CA6: variants seen among roughly 807,000 people sequenced by gnomAD.
CA6 encodes carbonate dehydratase VI.
A neutral mutation model predicts 35.9 loss-of-function variants in CA6; 28 were observed. The ratio of observed to expected loss-of-function variants is 0.78; its 90% CI spans 0.58 to 1.07. The LOEUF is 1.07. Ranked by LOEUF, CA6 falls within the 50% of genes least tolerant of loss-of-function variation. The probability of loss-of-function intolerance (pLI) is 0.00; values close to 1 mark genes in which losing one functional copy is unlikely to be tolerated. For missense variants in CA6, 377 were observed against 382.0 expected, an observed-to-expected ratio of 0.99 and a Z score of 0.11; for synonymous variants, 148 against 152.6, an observed-to-expected ratio of 0.97 and a Z score of 0.22.
Position 8,955,017 on chromosome 1 carries a change from T to C in CA6, c.260-2120T>C, listed in dbSNP as rs563217819. Among the ~76,000 whole-genome samples the C allele has an allele frequency of 1.8e-4, 27 of 148,336 alleles. 1 individual carries two copies. In the South Asian group the frequency reaches 5.9e-3, roughly 32 times the overall value. The stretch of plus-strand genomic sequence containing the variant: ...CCAATTTCTCTGTTTTGGTGCAGAC[T>C]AGTAACAGTTGGTGGGCCGGCACTG... On this transcript the variant is annotated intron_variant, in intron 2 of 7. Coordinates refer to ENST00000377443, the MANE Select transcript of CA6 (RefSeq NM_001215.4).
At chr1:8,973,594 G>C (rs976111199) in intron 7 of CA6, among the ~76,000 whole-genome samples, 1 of 152,068 alleles carries the variant, frequency 6.6e-6, no homozygotes, top group Non-Finnish European at 1.5e-5. Flanking sequence ...TTCAGCATCA[G>C]AGGGCTTCCT....
intron 3 of CA6, among the ~76,000 whole-genome samples, chr1:8,957,524 A>G (rs1422042558): frequency 6.6e-6 from 1 of 152,120 alleles, no homozygotes; most frequent in East Asian, 1.9e-4. Flanking sequence ...TATTTTTAGT[A>G]GAGACGGGAT....
rs145277776 is a variant in CA6 at position 8,971,985 on chromosome 1, C to T, written c.844+1004C>T. 7.1e-4 allele frequency among the ~76,000 whole-genome samples: 108 copies of T among 152,262 alleles called. 1 individual carries two copies. Among genetic ancestry groups the T allele is most frequent in the African/African-American group, 2.6e-3 (106 of 41,542 alleles). On this transcript the variant is annotated intron_variant, in intron 7 of 7. Transcript: ENST00000377443. ...CCATTCTGTTAACCATTCCTGATAC[C>T]TTTATATTTTCCAATACAGTAGAAT...
chr1:8,957,634 C>T (rs945465178), intron 3 of CA6, among the ~76,000 whole-genome samples: 2 of 151,956 alleles, frequency 1.3e-5, no homozygotes, highest in Non-Finnish European at 1.5e-5. Context: ...AGCCACAGTG[C>T]CCAGCCGTCA....
chr1:8,965,370 T>A (rs922107087), intron 5 of CA6, among the ~76,000 whole-genome samples: 8 of 152,158 alleles, frequency 5.3e-5, no homozygotes, highest in Non-Finnish European at 7.4e-5. Context: ...TTTTTCGTCT[T>A]CCTAAACTGA....
chr1:8,946,842 T>C (rs2124216986), intron 1 of CA6, among the ~76,000 whole-genome samples: 1 of 148,668 alleles, frequency 6.7e-6, no homozygotes, highest in East Asian at 2.0e-4. Context: ...CTTGCTCTGT[T>C]GCCCAGGCTG....
intron 7 of CA6, among the ~76,000 whole-genome samples, chr1:8,972,734 A>G (rs1640142732): frequency 6.6e-6 from 1 of 151,952 alleles, no homozygotes; most frequent in African/African-American, 2.4e-5. Context: ...CACCTCCCCA[A>G]CCCGAATAAG....
At chr1:8,956,010 G>A (rs181201187) in intron 2 of CA6, among the ~76,000 whole-genome samples, 447 of 152,308 alleles carry the variant, frequency 2.9e-3, no homozygotes, top group Non-Finnish European at 5.1e-3. Context: ...ATCACTTGAG[G>A]TCAGGAGTTC....
chr1:8,948,114 T>G (rs937435347), intron 1 of CA6, among the ~76,000 whole-genome samples: 6 of 151,958 alleles, frequency 3.9e-5, no homozygotes, highest in African/African-American at 1.5e-4. Flanking sequence ...TCCCAAAGTG[T>G]TGGGATTACA....
Position 8,967,770 on chromosome 1 carries a change from TC to T in CA6, c.685del (p.His229ThrfsTer41). On this transcript the variant is annotated frameshift_variant, in exon 6 of 8. Coordinates refer to ENST00000377443, the MANE Select transcript of CA6 (RefSeq NM_001215.4). LOFTEE classifies it high-confidence loss of function. ...ACCACGCCTCCCTGCACTGAGAACG[TC>T]CACTGGTTTGTGCTGGCAGATTTTG... ...SLTTPPCTEN[V>X]HWFVLADFVK... 6.2e-7 allele frequency: 1 copy of T among 1,614,082 alleles called. No individual in the cohort carries two copies. Among genetic ancestry groups the T allele is most frequent in the Non-Finnish European group, 8.5e-7 (1 of 1,180,018 alleles).
At chr1:8,958,831 C>A (rs1241882958) in intron 3 of CA6, 79 bp from the exon 4 acceptor site, 4 of 804,312 alleles carry the variant, frequency 5.0e-6, no homozygotes, top group Non-Finnish European at 8.4e-6. Flanking sequence ...ACCTTTCTTT[C>A]TCTTCCTCCT....
At chr1:8,959,337 G>A (rs1275719893) in intron 4 of CA6, among the ~76,000 whole-genome samples, 1 of 146,314 alleles carries the variant, frequency 6.8e-6, no homozygotes, top group African/African-American at 2.5e-5. Flanking sequence ...TTTTTGAGAC[G>A]AAGTTTCACT....
intron 4 of CA6, among the ~76,000 whole-genome samples, chr1:8,960,789 C>CAT (rs1553163139): frequency 0.11 from 12,509 of 116,732 alleles, 1,558 homozygotes; most frequent in Middle Eastern, 0.18. Flanking sequence ...CACACACACA[C>CAT]ATATATATAA....
Position 8,958,909 on chromosome 1 carries a change from G to T in CA6, c.409-1G>T. 1 of 1,576,836 alleles carries T rather than the reference G, an allele frequency of 6.3e-7. No individual in the cohort carries two copies. The highest frequency in any genetic ancestry group is 1.1e-5 in the South Asian group (1 of 89,676). On this transcript the variant is annotated splice_acceptor_variant, in intron 3 of 7. Coordinates refer to ENST00000377443, the MANE Select transcript of CA6 (RefSeq NM_001215.4). LOFTEE classifies it high-confidence loss of function. ...TGACCCACTCTACCTTGCTCTTACA[G>T]ATTCACATTGTTCACTACAATTCTA...
At chr1:8,946,527 G>C (rs1289562601) in intron 1 of CA6, among the ~76,000 whole-genome samples, 1 of 152,166 alleles carries the variant, frequency 6.6e-6, no homozygotes, top group South Asian at 2.1e-4. Context: ...TTACTTACAG[G>C]CTTTTTGCTT....
chr1:8,958,996 C>A lies in CA6; in HGVS notation c.495C>A (p.Phe165Leu). 1 of 1,601,638 alleles carries A rather than the reference C, an allele frequency of 6.2e-7. No individual in the cohort carries two copies. The highest frequency in any genetic ancestry group is 8.6e-7 in the Non-Finnish European group (1 of 1,168,806). The change falls in exon 4 of 8, where the codon TTC (phenylalanine) becomes TTA (leucine). Residue 165 changes from phenylalanine (F) to leucine (L), a missense_variant. By Grantham distance (22) the Phe-to-Leu change is conservative. Coordinates refer to ENST00000377443, the MANE Select transcript of CA6 (RefSeq NM_001215.4). ...APDGLAVLAA[F>L]VEVKNYPENT... Reference sequence around the variant, plus strand: ...ATGGTTTGGCTGTACTGGCAGCCTTCGTTGAGGTAAGCAGAAACTACCCAT... The same window carrying A: ...ATGGTTTGGCTGTACTGGCAGCCTTAGTTGAGGTAAGCAGAAACTACCCAT...
At chr1:8,968,344 T>C (rs1640025233) in intron 6 of CA6, among the ~76,000 whole-genome samples, 1 of 152,064 alleles carries the variant, frequency 6.6e-6, no homozygotes, top group South Asian at 2.1e-4. Flanking sequence ...CACTCCAAAA[T>C]GTTGCCAGTC....
intron 5 of CA6, among the ~76,000 whole-genome samples, chr1:8,967,111 CT>C (rs1392049916): frequency 6.6e-6 from 1 of 152,178 alleles, no homozygotes. Context: ...GCGTGAGCCA[CT>C]GCGCCTGGCC....
intron 4 of CA6, 47 bp from the exon 5 acceptor site, chr1:8,962,540 T>G: frequency 6.8e-7 from 1 of 1,471,980 alleles, no homozygotes; most frequent in South Asian, 1.1e-5. Context: ...GCGATGGTGC[T>G]GGGGCCTCTT....
Sources: allele counts gnomAD v4.1 joint callset (sites outside exome capture counted in the v4.1 genomes callset), GRCh38; gene constraint gnomAD v4.1.1; transcripts MANE v1.5; gene names NCBI Gene and HGNC (gene_info 2026-07-23, HGNC 2026-07-21).